FXN: variants seen among roughly 807,000 people sequenced by gnomAD.
FXN encodes the protein frataxin.
FXN carries 14 observed loss-of-function variants against 22.4 expected under a neutral mutation model. The ratio of observed to expected loss-of-function variants is 0.62; its 90% CI spans 0.41 to 0.98. The LOEUF (loss-of-function observed/expected upper bound fraction) is 0.98. Ranked by LOEUF, FXN falls within the 50% of genes least tolerant of loss-of-function variation. FXN has a pLI of 0.00. For synonymous variants in FXN, 120 were observed against 114.1 expected, an observed-to-expected ratio of 1.05 and a Z score of -0.33; for missense variants, 267 against 268.4, an observed-to-expected ratio of 0.99 and a Z score of 0.04.
chr9:69,070,182 T>G (rs1220148714), intron 4 of FXN, among the ~76,000 whole-genome samples: 4 of 145,822 alleles, frequency 2.7e-5, no homozygotes, highest in Non-Finnish European at 6.0e-5. Flanking sequence ...TGAGCTGAGA[T>G]CACACCACTG....
In FXN at chr9:69,078,878, A is replaced by G; in HGVS notation, c.*6116A>G. ...TCAGCATACCATGTTTGTCTTTCCC[A>G]GCACTGACCTACCATGTGTCACCCC... On this transcript the variant is annotated 3_prime_UTR_variant, in exon 5 of 5. Transcript: ENST00000484259. The G allele has an allele frequency of 2.0e-6, 2 of 985,658 alleles. No homozygotes were observed. Among genetic ancestry groups the G allele is most frequent in the South Asian group, 9.4e-5 (2 of 21,288 alleles). 61.1% of individuals were successfully genotyped at this position (985,658 alleles called of 1,614,324 possible).
At chr9:69,055,702 C>T (rs1831946914) in intron 3 of FXN, among the ~76,000 whole-genome samples, 1 of 151,760 alleles carries the variant, frequency 6.6e-6, no homozygotes, top group Admixed American at 6.6e-5. Flanking sequence ...CCATGTTGGC[C>T]AGGCTGGTCT....
intron 1 of FXN, among the ~76,000 whole-genome samples, 189 bp from the exon 2 acceptor site, chr9:69,046,196 A>T (rs1186639469): frequency 6.6e-6 from 1 of 152,182 alleles, no homozygotes; most frequent in Non-Finnish European, 1.5e-5. Context: ...GAAACCGGGA[A>T]CCAGGGGAGA....
Position 69,074,123 on chromosome 9 carries a change from G to T in FXN, c.*1361G>T. On this transcript the variant is annotated 3_prime_UTR_variant, in exon 5 of 5. Transcript: ENST00000484259. ...TCGCTTGAACCCAGAGGTGGAGGTT[G>T]CAGTGAGCCGAGATCGTGCCATTGC... The T allele has an allele frequency of 2.1e-6, 1 of 467,622 alleles. No homozygotes were observed. The highest frequency in any genetic ancestry group is 2.8e-6 in the Non-Finnish European group (1 of 357,170). 29.0% of individuals were successfully genotyped at this position (467,622 alleles called of 1,614,324 possible).
chr9:69,069,309 G>A (rs766351329), intron 4 of FXN, among the ~76,000 whole-genome samples: 4 of 152,146 alleles, frequency 2.6e-5, no homozygotes, highest in East Asian at 1.9e-4. Context: ...AGGTTGTAAC[G>A]AACTGAAATC....
In FXN at chr9:69,075,153, TCC is replaced by T; in HGVS notation, c.*2394_*2395del. 5.1e-6 allele frequency: 5 copies of T among 985,410 alleles called. No individual in the cohort carries two copies. Among genetic ancestry groups the T allele is most frequent in the Non-Finnish European group, 6.0e-6 (5 of 829,968 alleles). 61.0% of individuals were successfully genotyped at this position (985,410 alleles called of 1,614,324 possible). ...ATCTCGTTCCCAAGGCAGTGGGAGA[TCC>T]CCATTTAAGGAAAGAAAAGGGGCCT... On this transcript the variant is annotated 3_prime_UTR_variant, in exon 5 of 5. Transcript: ENST00000484259.
intron 3 of FXN, among the ~76,000 whole-genome samples, chr9:69,057,610 G>T (rs1314129747): frequency 6.6e-6 from 1 of 152,116 alleles, no homozygotes; most frequent in Non-Finnish European, 1.5e-5. Flanking sequence ...ACATTGAAAT[G>T]CTAACTCTGT....
Position 69,075,426 on chromosome 9 carries a change from C to G in FXN, c.*2664C>G. On this transcript the variant is annotated 3_prime_UTR_variant, in exon 5 of 5. Transcript: ENST00000484259. ...AGTGAGACGAGATCATGCCACTTCA[C>G]TCCAGCCTGGCCAACAGAGCCATAC... is the stretch of plus-strand genomic sequence containing the variant. The G allele has an allele frequency of 1.1e-6, 1 of 921,680 alleles. No individual in the cohort carries two copies. The highest frequency in any genetic ancestry group is 5.0e-5 in the South Asian group (1 of 19,864). The allele number at this position is 921,680 out of a possible 1,614,324, so 57.1% of individuals were successfully genotyped here. A position where few individuals can be genotyped will look rare whatever the true frequency, so the allele number is the denominator to read the frequency against.
chr9:69,078,510 T>C lies in FXN; in HGVS notation c.*5748T>C, dbSNP rs1461799830. ...GGTAAGCTTTCAGAAAGGCAATCTC[T>C]TGTCTGTAAAACCTAAGCAGGACCA... On this transcript the variant is annotated 3_prime_UTR_variant, in exon 5 of 5. Transcript: ENST00000484259. 1 of 985,352 alleles carries C rather than the reference T, an allele frequency of 1.0e-6. No individual in the cohort carries two copies. The highest frequency in any genetic ancestry group is 1.2e-6 in the Non-Finnish European group (1 of 829,890). The allele number at this position is 985,352 out of a possible 1,614,324, so 61.0% of individuals were successfully genotyped here. A position where few individuals can be genotyped will look rare whatever the true frequency, so the allele number is the denominator to read the frequency against.
chr9:69,064,914 C>G, intron 3 of FXN, 24 bp from the exon 4 acceptor site: 1 of 1,447,956 alleles, frequency 6.9e-7, no homozygotes, highest in East Asian at 2.3e-5. Context: ...TTTCTTTATG[C>G]TTTTTTTCCA....
At position 69,078,324 on chromosome 9, in the gene FXN, G is replaced by GT; in HGVS notation, c.*5564dup. 5.1e-6 allele frequency: 5 copies of GT among 985,482 alleles called. No individual in the cohort carries two copies. Among genetic ancestry groups the GT allele is most frequent in the Non-Finnish European group, 6.0e-6 (5 of 829,990 alleles). The allele number at this position is 985,482 out of a possible 1,614,324, so 61.0% of individuals were successfully genotyped here. A position where few individuals can be genotyped will look rare whatever the true frequency, so the allele number is the denominator to read the frequency against. ...GATTCCTCTTGCCAGTCCATCAGCA[G>GT]TTCCCCTTGAAAGTTTCACCAAACA... On this transcript the variant is annotated 3_prime_UTR_variant, in exon 5 of 5. Transcript: ENST00000484259.
chr9:69,077,334 C>T lies in FXN; in HGVS notation c.*4572C>T, dbSNP rs1323013211. 26 of 985,298 alleles carry T rather than the reference C, an allele frequency of 2.6e-5. No homozygotes were observed. The highest frequency in any genetic ancestry group is 2.8e-5 in the Non-Finnish European group (23 of 829,934). 61.0% of individuals were successfully genotyped at this position (985,298 alleles called of 1,614,324 possible). ...CTCAGCTCACTTATATCCCTGCATC[C>T]GCTACAGAGACAGAATCCAAGCTCA... On this transcript the variant is annotated 3_prime_UTR_variant, in exon 5 of 5. Transcript: ENST00000484259.
chr9:69,052,990 CAAA>C (rs370853196), intron 2 of FXN, 147 bp from the exon 3 acceptor site: 2,911 of 581,024 alleles, frequency 5.0e-3, no homozygotes, highest in Middle Eastern at 7.5e-3. Flanking sequence ...GACTCTGTCT[CAAA>C]AAAAAAAAAA....
In FXN at chr9:69,068,295, C is replaced by G. The variant is rs542487902; in HGVS notation, c.482+3260C>G. Among the ~76,000 whole-genome samples, 4 of 152,356 alleles carry G rather than the reference C, an allele frequency of 2.6e-5. No homozygotes were observed. The East Asian group carries it at 5.8e-4, about 22-fold the overall frequency. On this transcript the variant is annotated intron_variant, in intron 4 of 4. Coordinates refer to ENST00000484259, the MANE Select transcript of FXN (RefSeq NM_000144.5). ...CTCTTTCCACTCCCCCAAGGCATTGCATAAATAATGTCACTTTCTGTTTGC... is the reference window on the plus strand; with the variant it reads ...CTCTTTCCACTCCCCCAAGGCATTGGATAAATAATGTCACTTTCTGTTTGC...
intron 3 of FXN, among the ~76,000 whole-genome samples, chr9:69,060,170 C>G (rs1031994482): frequency 2.0e-5 from 3 of 152,216 alleles, no homozygotes; most frequent in Non-Finnish European, 1.5e-5. Flanking sequence ...AGATCGAGAC[C>G]ATTCTGGCTA....
intron 3 of FXN, among the ~76,000 whole-genome samples, chr9:69,064,124 C>T (rs1458283120): frequency 1.3e-5 from 2 of 152,174 alleles, no homozygotes; most frequent in Non-Finnish European, 2.9e-5. Flanking sequence ...AGCAGGCTTC[C>T]CCCTGCTTAC....
At chr9:69,070,529 C>T (rs570755950) in intron 4 of FXN, among the ~76,000 whole-genome samples, 2 of 152,306 alleles carry the variant, frequency 1.3e-5, no homozygotes, top group East Asian at 3.9e-4. Flanking sequence ...TTTCCCTGTA[C>T]CTGGGTCCTG....
intron 3 of FXN, among the ~76,000 whole-genome samples, chr9:69,058,385 C>G (rs964117752): frequency 6.7e-6 from 1 of 149,480 alleles, no homozygotes; most frequent in African/African-American, 2.5e-5. Context: ...GAAGTTACCT[C>G]CAGGCTGACC....
intron 2 of FXN, among the ~76,000 whole-genome samples, chr9:69,051,178 G>C (rs970158443): frequency 6.6e-6 from 1 of 152,186 alleles, no homozygotes; most frequent in African/African-American, 2.4e-5. Context: ...GCTCACTGCA[G>C]CCTTGACCTC....
Sources: gnomAD v4.1 joint callset for allele counts (sites outside exome capture counted in the v4.1 genomes callset) on GRCh38, gnomAD v4.1.1 for gene constraint, MANE v1.5 for transcripts, NCBI Gene and HGNC (gene_info 2026-07-23, HGNC 2026-07-21) for gene names.